The following PRDM5 variants were observed in gnomAD, a reference collection of about 807,000 sequenced individuals.
PRDM5 encodes PR/SET domain 5, also known as PR domain zinc finger protein 5.
In PRDM5, 56 loss-of-function variants were observed where a neutral mutation model predicts 81.2. The observed-to-expected ratio is 0.69, with a 90% CI of 0.56 to 0.86. The LOEUF (loss-of-function observed/expected upper bound fraction) is 0.86. Ranked by LOEUF, PRDM5 falls within the 40% of genes least tolerant of loss-of-function variation. PRDM5 has a pLI of 0.00. For synonymous variants in PRDM5, 267 were observed against 256.4 expected (o/e 1.04, Z -0.39); for missense variants, 697 against 770.1 (o/e 0.91, Z 1.12).
In PRDM5 at chr4:120,747,047, A is replaced by G. The variant is rs1386636330; in HGVS notation, c.1623+7506T>C. Among the ~76,000 whole-genome samples, 4 of 145,324 alleles carry G rather than the reference A, an allele frequency of 2.8e-5. No individual in the cohort carries two copies. The East Asian group carries it at 6.2e-4, about 22-fold the overall frequency. On this transcript the variant is annotated intron_variant, in intron 14 of 15. Transcript: ENST00000264808. Reference sequence around the variant, plus strand: ...TTGGAACCAACCCAAATGTCCAACAATGATAGATTGGATTAAGAAAATGTG... The same window carrying G: ...TTGGAACCAACCCAAATGTCCAACAGTGATAGATTGGATTAAGAAAATGTG...
chr4:120,705,206 C>T (rs1735934006), intron 15 of PRDM5, among the ~76,000 whole-genome samples: 1 of 152,158 alleles, frequency 6.6e-6, no homozygotes, highest in African/African-American at 2.4e-5. Flanking sequence ...ATTTCTTTAT[C>T]CATTCAAAAT....
At chr4:120,752,244 A>G (rs1004009619) in intron 14 of PRDM5, among the ~76,000 whole-genome samples, 18 of 152,172 alleles carry the variant, frequency 1.2e-4, no homozygotes, top group African/African-American at 3.9e-4. Flanking sequence ...TATTTATTCA[A>G]TGCTTAGGAA....
At chr4:120,730,350 A>T (rs1184376849) in intron 14 of PRDM5, among the ~76,000 whole-genome samples, 1 of 152,226 alleles carries the variant, frequency 6.6e-6, no homozygotes, top group Non-Finnish European at 1.5e-5. Context: ...ATATAAATAT[A>T]ATGTTACCCA....
intron 3 of PRDM5, among the ~76,000 whole-genome samples, chr4:120,835,236 TAA>T (rs1248501602): frequency 1.3e-5 from 2 of 151,970 alleles, no homozygotes; most frequent in African/African-American, 4.8e-5. Context: ...ACCAAAGAAA[TAA>T]AAATAACTTG....
intron 8 of PRDM5, among the ~76,000 whole-genome samples, chr4:120,805,901 G>A (rs1298242108): frequency 6.6e-6 from 1 of 152,162 alleles, no homozygotes; most frequent in African/African-American, 2.4e-5. Context: ...AGGAAAAGAG[G>A]AAGTCAAATT....
intron 2 of PRDM5, among the ~76,000 whole-genome samples, chr4:120,904,311 A>C (rs1463624755): frequency 6.6e-6 from 1 of 151,986 alleles, no homozygotes; most frequent in Non-Finnish European, 1.5e-5. Context: ...TGAAGACGAG[A>C]CCAAGAGGAA....
chr4:120,808,596 C>T lies in PRDM5; in HGVS notation c.945+2774G>A, dbSNP rs112241576. 4.3e-3 allele frequency among the ~76,000 whole-genome samples: 657 copies of T among 152,282 alleles called. 2 individuals carry two copies. Among genetic ancestry groups the T allele is most frequent in the African/African-American group, 0.015 (613 of 41,560 alleles). ...CACAGGTGGAGCTGCCTGCCAGTCC[C>T]GCGCTGTGTGCCCACACTCCTCAGC... On this transcript the variant is annotated intron_variant, in intron 8 of 15. Coordinates refer to ENST00000264808, the MANE Select transcript of PRDM5 (RefSeq NM_018699.4).
chr4:120,698,418 T>C (rs1305796263), intron 15 of PRDM5, among the ~76,000 whole-genome samples: 1 of 152,184 alleles, frequency 6.6e-6, no homozygotes, highest in Non-Finnish European at 1.5e-5. Context: ...GAATAGGCCC[T>C]TCCTCCATCC....
intron 13 of PRDM5, among the ~76,000 whole-genome samples, chr4:120,757,260 C>T (rs1463905616): frequency 3.3e-5 from 5 of 152,134 alleles, no homozygotes; most frequent in South Asian, 2.1e-4. Flanking sequence ...TAGCTTTTTT[C>T]ATACATTTTT....
At chr4:120,715,678 CA>C (rs1737639431) in intron 14 of PRDM5, among the ~76,000 whole-genome samples, 1 of 152,002 alleles carries the variant, frequency 6.6e-6, no homozygotes, top group Non-Finnish European at 1.5e-5. Context: ...CATACAAAGA[CA>C]TTATTATGAA....
At chr4:120,794,827 T>C (rs913124184) in intron 10 of PRDM5, among the ~76,000 whole-genome samples, 14 of 152,120 alleles carry the variant, frequency 9.2e-5, no homozygotes, top group African/African-American at 2.7e-4. Context: ...CATTTTGCCA[T>C]GTTGGCCAGG....
intron 1 of PRDM5, among the ~76,000 whole-genome samples, chr4:120,908,918 A>T (rs1766163937): frequency 6.6e-6 from 1 of 152,148 alleles, no homozygotes; most frequent in Non-Finnish European, 1.5e-5. Context: ...CTTAAACACA[A>T]CAGCCCCAAA....
chr4:120,798,471 A>G, intron 9 of PRDM5, 47 bp from the exon 10 acceptor site: 1 of 1,527,818 alleles, frequency 6.5e-7, no homozygotes, highest in Non-Finnish European at 9.0e-7. Flanking sequence ...TATAAAGGTA[A>G]AGGATAAAAG....
intron 15 of PRDM5, among the ~76,000 whole-genome samples, chr4:120,700,116 G>T (rs1735146355): frequency 6.6e-6 from 1 of 152,088 alleles, no homozygotes; most frequent in Non-Finnish European, 1.5e-5. Context: ...CAATGCAACA[G>T]AGTACAGAAG....
At chr4:120,887,270 A>C (rs1265527754) in intron 2 of PRDM5, among the ~76,000 whole-genome samples, 1 of 150,922 alleles carries the variant, frequency 6.6e-6, no homozygotes, top group Non-Finnish European at 1.5e-5. Flanking sequence ...TACACAATCC[A>C]TCAGCAAGCC....
In PRDM5 at chr4:120,892,219, A is replaced by C. The variant is rs1764133372; in HGVS notation, c.177+15255T>G. ...TTTTTTTTTCTTTTTTAATTTGCTG[A>C]GGATTGTTTTATGCCTATGTGGTCA... On this transcript the variant is annotated intron_variant, in intron 2 of 15. Transcript: ENST00000264808. Among the ~76,000 whole-genome samples, 3 of 151,132 alleles carry C rather than the reference A, an allele frequency of 2.0e-5. No homozygotes were observed. The South Asian group carries it at 6.3e-4, about 32-fold the overall frequency.
At chr4:120,862,139 CT>C (rs1760677376) in intron 2 of PRDM5, among the ~76,000 whole-genome samples, 1 of 152,134 alleles carries the variant, frequency 6.6e-6, no homozygotes, top group Non-Finnish European at 1.5e-5. Context: ...TAAGGTAATT[CT>C]CATAATCATC....
At chr4:120,743,517 G>C (rs1742441216) in intron 14 of PRDM5, among the ~76,000 whole-genome samples, 1 of 137,950 alleles carries the variant, frequency 7.2e-6, no homozygotes, top group Admixed American at 7.5e-5. Context: ...CCATCAGTGT[G>C]CTGTATTCAG....
At chr4:120,746,461 C>G (rs1343846802) in intron 14 of PRDM5, among the ~76,000 whole-genome samples, 2 of 142,938 alleles carry the variant, frequency 1.4e-5, no homozygotes, top group Non-Finnish European at 3.1e-5. Flanking sequence ...AGAGCTTCTG[C>G]ACAGCAAAAG....
Sources: gnomAD v4.1 joint callset for allele counts (sites outside exome capture counted in the v4.1 genomes callset) on GRCh38, gnomAD v4.1.1 for gene constraint, MANE v1.5 for transcripts, NCBI Gene and HGNC (gene_info 2026-07-23, HGNC 2026-07-21) for gene names.